PARVB: variants seen among roughly 807,000 people sequenced by gnomAD.
The protein encoded by PARVB is parvin beta.
PARVB carries 46 observed loss-of-function variants against 47.0 expected under a neutral mutation model. The ratio of observed to expected loss-of-function variants is 0.98; its 90% CI spans 0.77 to 1.25. PARVB has a LOEUF of 1.25. PARVB is among the 50% of genes most tolerant of loss of function. The pLI, the probability that PARVB is intolerant of heterozygous loss-of-function variation, is 0.00. For missense variants in PARVB, 473 were observed against 471.6 expected, an observed-to-expected ratio of 1.00 and a Z score of -0.03; for synonymous variants, 196 against 196.3, an observed-to-expected ratio of 1.00 and a Z score of 0.01.
intron 2 of PARVB, among the ~76,000 whole-genome samples, chr22:44,000,334 G>C: frequency 6.6e-6 from 1 of 152,230 alleles, no homozygotes; most frequent in East Asian, 1.9e-4. Flanking sequence ...TCCCAGCTCT[G>C]TGGTTGACCA....
At chr22:44,133,377 C>T (rs867572049) in intron 6 of PARVB, among the ~76,000 whole-genome samples, 1 of 152,118 alleles carries the variant, frequency 6.6e-6, no homozygotes, top group African/African-American at 2.4e-5. Context: ...AAATTAAAGC[C>T]GCTTTGCATT....
chr22:44,055,828 G>A (rs1038879645), intron 1 of PARVB, among the ~76,000 whole-genome samples: 3 of 152,188 alleles, frequency 2.0e-5, no homozygotes, highest in Non-Finnish European at 4.4e-5. Flanking sequence ...CCAGCTGAGT[G>A]AATCCCCTTA....
At chr22:44,027,178 G>A (rs1034557364) in intron 1 of PARVB, among the ~76,000 whole-genome samples, 1 of 152,166 alleles carries the variant, frequency 6.6e-6, no homozygotes, top group Non-Finnish European at 1.5e-5. Context: ...CTCTGGGGAC[G>A]TGAAAGGACA....
chr22:44,097,475 G>A (rs1373130844), intron 2 of PARVB, among the ~76,000 whole-genome samples: 4 of 152,242 alleles, frequency 2.6e-5, no homozygotes, highest in African/African-American at 9.6e-5. Flanking sequence ...AGGCTAGCAG[G>A]TCATGAATGC....
chr22:44,070,102 C>T (rs2051622525), intron 1 of PARVB, among the ~76,000 whole-genome samples: 1 of 152,234 alleles, frequency 6.6e-6, no homozygotes, highest in South Asian at 2.1e-4. Flanking sequence ...CCTGGGCTTT[C>T]TGCATCCCAG....
chr22:44,154,761 GGT>G (rs1303788994), intron 10 of PARVB, among the ~76,000 whole-genome samples: 1 of 144,832 alleles, frequency 6.9e-6, no homozygotes, highest in African/African-American at 2.6e-5. Context: ...CAGTCTGTGT[GGT>G]GTGTGTGTGG....
At chr22:44,158,307 G>T (rs1023345810) in intron 11 of PARVB, among the ~76,000 whole-genome samples, 1 of 152,220 alleles carries the variant, frequency 6.6e-6, no homozygotes, top group African/African-American at 2.4e-5. Flanking sequence ...TTTCTTTGCG[G>T]TCTTTTCCAT....
intron 1 of PARVB, among the ~76,000 whole-genome samples, chr22:44,078,596 C>G (rs2146998304): frequency 6.6e-6 from 1 of 152,304 alleles, no homozygotes; most frequent in South Asian, 2.1e-4. Context: ...CTTACCTAAT[C>G]ACATCTACAA....
At chr22:44,030,202 G>A (rs1276810905) in intron 1 of PARVB, among the ~76,000 whole-genome samples, 1 of 152,256 alleles carries the variant, frequency 6.6e-6, no homozygotes, top group East Asian at 1.9e-4. Context: ...TGGGCTGGGA[G>A]CTGGGGGTGG....
intron 4 of PARVB, among the ~76,000 whole-genome samples, chr22:44,122,983 C>A (rs1039582183): frequency 6.6e-6 from 1 of 152,194 alleles, no homozygotes; most frequent in African/African-American, 2.4e-5. Flanking sequence ...GTTACAGAAA[C>A]TAGAATTGTT....
At chr22:44,028,089 T>A (rs939859191) in intron 1 of PARVB, among the ~76,000 whole-genome samples, 1 of 151,682 alleles carries the variant, frequency 6.6e-6, no homozygotes, top group Non-Finnish European at 1.5e-5. Context: ...TGTGGTAGAG[T>A]CGTGAGCCAA....
At chr22:44,121,682 G>C (rs1294151431) in intron 4 of PARVB, among the ~76,000 whole-genome samples, 1 of 152,106 alleles carries the variant, frequency 6.6e-6, no homozygotes, top group Non-Finnish European at 1.5e-5. Context: ...GTGGCTCCTG[G>C]GGTGTCATTG....
chr22:44,029,081 C>T (rs1189302910), intron 1 of PARVB, among the ~76,000 whole-genome samples: 1 of 152,124 alleles, frequency 6.6e-6, no homozygotes, highest in East Asian at 1.9e-4. Context: ...TCTCCTGGGG[C>T]TCAAGTGATC....
At chr22:44,115,861 T>C (rs1180909774) in intron 3 of PARVB, 1 of 137,998 alleles carries the variant, frequency 7.2e-6, no homozygotes, top group Non-Finnish European at 1.6e-5. Flanking sequence ...ACATTGTTAC[T>C]AAAGCCTTGC....
chr22:44,083,566 G>A (rs1423932721), intron 1 of PARVB, among the ~76,000 whole-genome samples: 1 of 152,160 alleles, frequency 6.6e-6, no homozygotes, highest in Admixed American at 6.5e-5. Context: ...GTGCTTTCCA[G>A]ACGGTGGGAA....
chr22:44,118,892 A>G, intron 3 of PARVB, 146 bp from the exon 4 acceptor site: 1 of 653,024 alleles, frequency 1.5e-6, no homozygotes, highest in Non-Finnish European at 2.8e-6. Flanking sequence ...CTGGCCCCAG[A>G]GCTGTGCAGC....
chr22:44,136,663 G>T (rs1297376546), intron 7 of PARVB, 145 bp downstream of exon 7: 3 of 688,612 alleles, frequency 4.4e-6, no homozygotes, highest in Non-Finnish European at 7.9e-6. Flanking sequence ...TTCTCATGCT[G>T]GTTCCCACCC....
intron 4 of PARVB, among the ~76,000 whole-genome samples, chr22:44,129,150 A>G (rs2053255384): frequency 6.6e-6 from 1 of 152,144 alleles, no homozygotes; most frequent in Admixed American, 6.5e-5. Context: ...CCCTAATTCA[A>G]TATGTCTAGG....
intron 2 of PARVB, among the ~76,000 whole-genome samples, chr22:44,095,870 C>G (rs1009499538): frequency 2.0e-5 from 3 of 152,222 alleles, no homozygotes; most frequent in African/African-American, 7.2e-5. Context: ...GAAGCCAGAG[C>G]TGGTGATGCT....
Sources: allele counts gnomAD v4.1 joint callset (sites outside exome capture counted in the v4.1 genomes callset), GRCh38; gene constraint gnomAD v4.1.1; transcripts MANE v1.5; gene names NCBI Gene and HGNC (gene_info 2026-07-23, HGNC 2026-07-21).